NOVA1: variants seen among roughly 807,000 people sequenced by gnomAD.
NOVA1 encodes the protein RNA-binding protein Nova-1.
A neutral mutation model predicts 38.0 loss-of-function variants in NOVA1; 7 were observed. The observed-to-expected ratio is 0.18, with a 90% CI of 0.10 to 0.35. NOVA1 has a LOEUF of 0.35. NOVA1 is among the 10% of genes least tolerant of loss of function. NOVA1 has a pLI of 1.00. For synonymous variants in NOVA1, 270 were observed against 232.5 expected, an observed-to-expected ratio of 1.16 and a Z score of -1.47; for missense variants, 460 against 616.0, an observed-to-expected ratio of 0.75 and a Z score of 2.68.
intron 2 of NOVA1, among the ~76,000 whole-genome samples, chr14:26,561,033 G>A (rs529641534): frequency 6.6e-6 from 1 of 152,228 alleles, no homozygotes; most frequent in Non-Finnish European, 1.5e-5. Flanking sequence ...AGAACATCAG[G>A]CATTAGTTGG....
Position 26,597,707 on chromosome 14 carries a change from A to C in NOVA1, c.-271T>G. The C allele has an allele frequency of 8.9e-7, 1 of 1,122,886 alleles. No individual in the cohort carries two copies. Among genetic ancestry groups the C allele is most frequent in the Middle Eastern group, 3.6e-4 (1 of 2,748 alleles). The allele number at this position is 1,122,886 out of a possible 1,614,324, so 69.6% of individuals were successfully genotyped here. ...GAGGGGGTGTGAGAGACGGAGGGTG[A>C]AAGAAGAAGAAGAAAGGAGACAGGG... On this transcript the variant is annotated 5_prime_UTR_variant, in exon 1 of 5. Transcript: ENST00000539517.
At position 26,446,301 on chromosome 14, in the gene NOVA1, T is replaced by C. The variant is rs1041967963; in HGVS notation, c.*1658A>G. On this transcript the variant is annotated 3_prime_UTR_variant, in exon 5 of 5. Coordinates refer to ENST00000539517, the MANE Select transcript of NOVA1 (RefSeq NM_002515.3). ...AAATCAATATGAAATGAAGAGTCCA[T>C]ATAGTTCAATGAACAAAAGGGAAAG... The C allele has an allele frequency of 2.0e-5, 3 of 152,578 alleles. No individual in the cohort carries two copies. The highest frequency in any genetic ancestry group is 7.2e-5 in the African/African-American group (3 of 41,430). 9.5% of individuals were successfully genotyped at this position (152,578 alleles called of 1,614,324 possible).
chr14:26,574,928 T>C (rs770627211), intron 2 of NOVA1, among the ~76,000 whole-genome samples: 84 of 152,278 alleles, frequency 5.5e-4, no homozygotes, highest in Admixed American at 2.0e-3. Context: ...CCTCCCAAAG[T>C]GCTGGGATTA....
chr14:26,519,014 A>G (rs890159472), intron 2 of NOVA1, among the ~76,000 whole-genome samples: 11 of 152,116 alleles, frequency 7.2e-5, no homozygotes, highest in Non-Finnish European at 1.5e-4. Context: ...AAACTGAAAT[A>G]ATCTTTATCA....
chr14:26,523,837 G>A (rs1453915650), intron 2 of NOVA1, among the ~76,000 whole-genome samples: 3 of 140,368 alleles, frequency 2.1e-5, no homozygotes, highest in African/African-American at 5.5e-5. Context: ...TGCAAGCTCC[G>A]CCTCCCGGGT....
At chr14:26,581,372 A>AT (rs1360641211) in intron 2 of NOVA1, among the ~76,000 whole-genome samples, 1 of 152,062 alleles carries the variant, frequency 6.6e-6, no homozygotes, top group Non-Finnish European at 1.5e-5. Flanking sequence ...AATTCAACAA[A>AT]TCTTGAAAGT....
At chr14:26,565,221 T>C (rs1594544832) in intron 2 of NOVA1, among the ~76,000 whole-genome samples, 1 of 152,294 alleles carries the variant, frequency 6.6e-6, no homozygotes, top group African/African-American at 2.4e-5. Flanking sequence ...TCCTGCAGTT[T>C]TGTAAGAACA....
chr14:26,453,749 AAT>A (rs1882926324), intron 4 of NOVA1, among the ~76,000 whole-genome samples: 1 of 152,186 alleles, frequency 6.6e-6, no homozygotes, highest in Admixed American at 6.5e-5. Context: ...ATGGCAGAAA[AAT>A]CATAAACTAT....
intron 2 of NOVA1, among the ~76,000 whole-genome samples, chr14:26,486,122 CATTT>C (rs1404647546): frequency 6.6e-6 from 1 of 152,036 alleles, no homozygotes; most frequent in Non-Finnish European, 1.5e-5. Context: ...TGCAAGTAAA[CATTT>C]AGTTTCTATC....
rs1343973755 is a variant in NOVA1 at position 26,445,283 on chromosome 14, A to C, written c.*2676T>G. 1 of 152,226 alleles carries C rather than the reference A, an allele frequency of 6.6e-6. No homozygotes were observed. The highest frequency in any genetic ancestry group is 1.5e-5 in the Non-Finnish European group (1 of 68,038). 9.4% of individuals were successfully genotyped at this position (152,226 alleles called of 1,614,324 possible). On this transcript the variant is annotated 3_prime_UTR_variant, in exon 5 of 5. Coordinates refer to ENST00000539517, the MANE Select transcript of NOVA1 (RefSeq NM_002515.3). Reference sequence around the variant, plus strand: ...AAGCCATACTAATTTTCTTGCAATAAATTAAAGCATCACATCACAAATCAA... The same window carrying C: ...AAGCCATACTAATTTTCTTGCAATACATTAAAGCATCACATCACAAATCAA...
chr14:26,464,518 C>A (rs1277902484), intron 4 of NOVA1, among the ~76,000 whole-genome samples: 1 of 152,158 alleles, frequency 6.6e-6, no homozygotes, highest in Admixed American at 6.5e-5. Context: ...TTACTTGGAT[C>A]TATTTCAGAA....
At chr14:26,519,483 G>A (rs1408973444) in intron 2 of NOVA1, 2 of 152,228 alleles carry the variant, frequency 1.3e-5, no homozygotes, top group Non-Finnish European at 2.9e-5. Context: ...AAAGGATTCC[G>A]GATTTGATGT....
rs553982070 is a variant in NOVA1 at position 26,451,481 on chromosome 14, C to T, written c.520-2518G>A. Among the ~76,000 whole-genome samples the T allele has an allele frequency of 4.9e-4, 74 of 152,188 alleles. No individual in the cohort carries two copies. In the South Asian group the frequency reaches 0.015, roughly 31 times the overall value. On this transcript the variant is annotated intron_variant, in intron 4 of 4. Transcript: ENST00000539517. Reference sequence around the variant, plus strand: ...CTCCCGGGTTCAAGCGATTCTCCTGCCTCAGTTTCGCAAGTAGCTGGGACT... The same window carrying T: ...CTCCCGGGTTCAAGCGATTCTCCTGTCTCAGTTTCGCAAGTAGCTGGGACT...
chr14:26,597,938 G>C lies in NOVA1; in HGVS notation c.-502C>G, dbSNP rs1186386649. Among the ~76,000 whole-genome samples, 4 of 151,628 alleles carry C rather than the reference G, an allele frequency of 2.6e-5. No individual in the cohort carries two copies. Among genetic ancestry groups the C allele is most frequent in the African/African-American group, 9.7e-5 (4 of 41,328 alleles). ...AGGAGCGAGCGGCAGAGGAGGGCAG[G>C]AGCCGGGAAGGAGCGCGGCGGTCCC... On this transcript the variant is annotated 5_prime_UTR_variant, in exon 1 of 5. Transcript: ENST00000539517.
At chr14:26,569,533 G>A (rs1301061853) in intron 2 of NOVA1, among the ~76,000 whole-genome samples, 1 of 152,138 alleles carries the variant, frequency 6.6e-6, no homozygotes, top group Non-Finnish European at 1.5e-5. Context: ...TGAATGATAC[G>A]TTAAGAAAAG....
At chr14:26,558,593 A>G (rs1278851009) in intron 2 of NOVA1, among the ~76,000 whole-genome samples, 2 of 152,168 alleles carry the variant, frequency 1.3e-5, no homozygotes, top group African/African-American at 2.4e-5. Context: ...CTAAAAAATT[A>G]AAGTGCAAAA....
At chr14:26,558,674 A>G (rs1173465040) in intron 2 of NOVA1, among the ~76,000 whole-genome samples, 1 of 152,178 alleles carries the variant, frequency 6.6e-6, no homozygotes, top group Non-Finnish European at 1.5e-5. Context: ...AAAACTCAAT[A>G]AAAGTATAAT....
intron 2 of NOVA1, among the ~76,000 whole-genome samples, chr14:26,544,521 A>AT: frequency 6.6e-6 from 1 of 151,984 alleles, no homozygotes; most frequent in African/African-American, 2.4e-5. Flanking sequence ...TGACCAACCT[A>AT]TTTCCTTCCT....
chr14:26,569,329 A>C (rs1892330978), intron 2 of NOVA1, among the ~76,000 whole-genome samples: 6 of 152,222 alleles, frequency 3.9e-5, no homozygotes. Flanking sequence ...TTGAATACAG[A>C]ATATCATAAT....
Sources: allele counts gnomAD v4.1 joint callset (sites outside exome capture counted in the v4.1 genomes callset), GRCh38; gene constraint gnomAD v4.1.1; transcripts MANE v1.5; gene names NCBI Gene and HGNC (gene_info 2026-07-23, HGNC 2026-07-21).